Variants in SLC16A7 observed in about 807,000 individuals in gnomAD.
The protein encoded by SLC16A7 is solute carrier family 16 member 7.
SLC16A7 carries 33 observed loss-of-function variants against 34.9 expected under a neutral mutation model. The ratio of observed to expected loss-of-function variants is 0.94; its 90% confidence interval spans 0.72 to 1.26. SLC16A7 has a LOEUF of 1.26. SLC16A7 is among the 50% of genes most tolerant of loss of function. The pLI is 0.00. For missense variants in SLC16A7, 573 were observed against 578.1 expected, an observed-to-expected ratio of 0.99 and a Z score of 0.09; for synonymous variants, 201 against 206.6, an observed-to-expected ratio of 0.97 and a Z score of 0.23.
chr12:59,644,162 G>A (rs1437229869), intron 1 of SLC16A7, among the ~76,000 whole-genome samples: 1 of 140,020 alleles, frequency 7.1e-6, no homozygotes, highest in East Asian at 2.6e-4. Flanking sequence ...AAGGTGGGTG[G>A]TCAAAATAAA....
chr12:59,738,426 C>A (rs934308909), intron 3 of SLC16A7, among the ~76,000 whole-genome samples: 18 of 152,128 alleles, frequency 1.2e-4, no homozygotes, highest in African/African-American at 4.3e-4. Flanking sequence ...GCTGCTATTT[C>A]TCATGGACCA....
chr12:59,778,487 C>T (rs1565720872), intron 5 of SLC16A7, among the ~76,000 whole-genome samples: 1 of 152,022 alleles, frequency 6.6e-6, no homozygotes. Context: ...AATGCATATG[C>T]TAATTTATAT....
intron 2 of SLC16A7, among the ~76,000 whole-genome samples, chr12:59,666,374 A>G (rs1162931707): frequency 6.6e-6 from 1 of 152,196 alleles, no homozygotes; most frequent in African/African-American, 2.4e-5. Flanking sequence ...TTCAGTTTAC[A>G]TAATCCCATT....
chr12:59,686,062 TTTCTTCAAGTGA>T (rs1871133372), intron 2 of SLC16A7, among the ~76,000 whole-genome samples: 1 of 151,438 alleles, frequency 6.6e-6, no homozygotes, highest in African/African-American at 2.4e-5. Context: ...TATAATGTAA[TTTCTTCAAGTGA>T]TTCTTTCAAA....
intron 1 of SLC16A7, among the ~76,000 whole-genome samples, chr12:59,649,133 CTT>C (rs2137015729): frequency 6.6e-6 from 1 of 152,216 alleles, no homozygotes; most frequent in East Asian, 1.9e-4. Context: ...AAGACGATGA[CTT>C]ATATAAATCA....
chr12:59,629,501 T>C (rs1317904314), intron 1 of SLC16A7, among the ~76,000 whole-genome samples: 1 of 151,924 alleles, frequency 6.6e-6, no homozygotes, highest in African/African-American at 2.4e-5. Context: ...ATGTTGTACA[T>C]TAAACTATTA....
At chr12:59,606,822 G>A (rs1878964335) in intron 1 of SLC16A7, among the ~76,000 whole-genome samples, 1 of 152,094 alleles carries the variant, frequency 6.6e-6, no homozygotes, top group Non-Finnish European at 1.5e-5. Flanking sequence ...GAGATATTGT[G>A]TGTGTGTGTA....
rs74094106 is a variant in SLC16A7, at chr12:59,603,880, T to C, written c.-130+7644T>C. On this transcript the variant is annotated intron_variant, in intron 1 of 5. Coordinates refer to ENST00000547379, the MANE Select transcript of SLC16A7 (RefSeq NM_001270623.2). The stretch of plus-strand genomic sequence containing the variant: ...AAGTGTACACACTGAGGCAGACTGT[T>C]CTTTTAAAGGCAGTTCTACTTGTGA... Among the ~76,000 whole-genome samples, 1,196 of 152,342 alleles carry C rather than the reference T, an allele frequency of 7.9e-3. 18 individuals carry two copies. The highest frequency in any genetic ancestry group is 0.027 in the African/African-American group (1,139 of 41,580).
chr12:59,724,194 G>T (rs965722661), intron 3 of SLC16A7, among the ~76,000 whole-genome samples: 1 of 152,008 alleles, frequency 6.6e-6, no homozygotes, highest in Non-Finnish European at 1.5e-5. Context: ...TACAGGTTTT[G>T]TGTGTGTGTC....
At chr12:59,693,325 T>C (rs1871895397) in intron 2 of SLC16A7, among the ~76,000 whole-genome samples, 1 of 151,960 alleles carries the variant, frequency 6.6e-6, no homozygotes, top group South Asian at 2.1e-4. Context: ...GTTTCAAAAG[T>C]TGAAGAAAGA....
chr12:59,780,746 G>A lies in SLC16A7; in HGVS notation c.*1067G>A, dbSNP rs1465316550. ...TTTTTCCCAACACATAGTGGTAATT[G>A]GAGGTTACTGTTATGAATACTCCAT... On this transcript the variant is annotated 3_prime_UTR_variant, in exon 6 of 6. Coordinates refer to ENST00000547379, the MANE Select transcript of SLC16A7 (RefSeq NM_001270623.2). 6.6e-6 allele frequency: 1 copy of A among 152,122 alleles called. No homozygotes were observed. The highest frequency in any genetic ancestry group is 1.5e-5 in the Non-Finnish European group (1 of 68,028). 9.4% of individuals were successfully genotyped at this position (152,122 alleles called of 1,614,324 possible).
intron 2 of SLC16A7, among the ~76,000 whole-genome samples, chr12:59,682,588 T>C (rs894846827): frequency 2.0e-5 from 3 of 152,182 alleles, no homozygotes; most frequent in African/African-American, 7.2e-5. Flanking sequence ...GAGATTTTCC[T>C]TTCTTAGAAA....
intron 3 of SLC16A7, among the ~76,000 whole-genome samples, chr12:59,736,617 G>T (rs1216515212): frequency 6.6e-6 from 1 of 152,076 alleles, no homozygotes; most frequent in East Asian, 1.9e-4. Flanking sequence ...ACAACAGACT[G>T]GGCAGATGCC....
chr12:59,701,125 A>G (rs1872824876), intron 2 of SLC16A7, among the ~76,000 whole-genome samples: 1 of 151,796 alleles, frequency 6.6e-6, no homozygotes, highest in Non-Finnish European at 1.5e-5. Context: ...TAAGATCTTC[A>G]CTCATCTTCA....
At chr12:59,714,317 A>G (rs1230760740) in intron 3 of SLC16A7, among the ~76,000 whole-genome samples, 1 of 152,214 alleles carries the variant, frequency 6.6e-6, no homozygotes, top group Non-Finnish European at 1.5e-5. Context: ...GAGGATAGGC[A>G]TCTATGCTAC....
chr12:59,727,326 G>C (rs1876410070), intron 3 of SLC16A7, among the ~76,000 whole-genome samples: 1 of 151,980 alleles, frequency 6.6e-6, no homozygotes, highest in Non-Finnish European at 1.5e-5. Flanking sequence ...AGAGGATAGA[G>C]GAAAAGGTGT....
At chr12:59,607,104 G>C (rs1370473520) in intron 1 of SLC16A7, among the ~76,000 whole-genome samples, 3 of 152,104 alleles carry the variant, frequency 2.0e-5, no homozygotes, top group African/African-American at 7.2e-5. Flanking sequence ...GCAAAGTTGA[G>C]TAGTTGTGAC....
chr12:59,661,940 AT>A (rs919563099), intron 2 of SLC16A7, among the ~76,000 whole-genome samples: 2 of 152,162 alleles, frequency 1.3e-5, no homozygotes, highest in Non-Finnish European at 2.9e-5. Context: ...GTAATTCTAG[AT>A]TTAGAAAATA....
chr12:59,767,378 A>G lies in SLC16A7; in HGVS notation c.218-3841A>G, dbSNP rs188427217. 4.2e-3 allele frequency among the ~76,000 whole-genome samples: 637 copies of G among 152,144 alleles called. 2 individuals are homozygous for G. The highest frequency in any genetic ancestry group is 6.2e-3 in the Non-Finnish European group (419 of 67,982). On this transcript the variant is annotated intron_variant, in intron 3 of 5. Transcript: ENST00000547379. ...GATGAAATAGCCTTCTATTGGAAGT[A>G]GATGCTATCTAGGACTTTCATTGGT... is the stretch of plus-strand genomic sequence containing the variant.
Sources: allele counts gnomAD v4.1 joint callset (sites outside exome capture counted in the v4.1 genomes callset), GRCh38; gene constraint gnomAD v4.1.1; transcripts MANE v1.5; gene names NCBI Gene and HGNC (gene_info 2026-07-23, HGNC 2026-07-21).